The following KCTD19 variants were observed in gnomAD, a reference collection of about 807,000 sequenced individuals.
The protein encoded by KCTD19 is potassium channel tetramerization domain containing 19.
In KCTD19, 67 loss-of-function variants were observed where a neutral mutation model predicts 103.5. The ratio of observed to expected loss-of-function variants is 0.65; its 90% confidence interval spans 0.53 to 0.79. The LOEUF is 0.79. KCTD19 is among the 30% of genes least tolerant of loss of function. The pLI, the probability that KCTD19 is intolerant of heterozygous loss-of-function variation, is 0.00. For synonymous variants in KCTD19, 439 were observed against 452.2 expected (o/e 0.97, Z 0.37); for missense variants, 980 against 1,136.1 (o/e 0.86, Z 1.98).
In KCTD19 at chr16:67,303,468, G is replaced by T; in HGVS notation, c.452-131C>A. On this transcript the variant is annotated intron_variant, in intron 3 of 15. Coordinates refer to ENST00000304372, the MANE Select transcript of KCTD19 (RefSeq NM_001100915.3). This position sits in a 1 kb window ranked among gnomAD's most constrained non-coding sequence, Gnocchi z 4.3. ...CCCCAGGATATGGTCCTTGCCACTTGCCAGACACATCTTCCTTCTTTATCT... is the reference window on the plus strand; with the variant it reads ...CCCCAGGATATGGTCCTTGCCACTTTCCAGACACATCTTCCTTCTTTATCT... The T allele has an allele frequency of 1.6e-6, 1 of 619,702 alleles. No homozygotes were observed. Among genetic ancestry groups the T allele is most frequent in the South Asian group, 2.3e-5 (1 of 43,912 alleles). The allele number at this position is 619,702 out of a possible 1,614,324, so 38.4% of individuals were successfully genotyped here.
chr16:67,304,640 A>G (rs545312784), intron 2 of KCTD19, 69 bp from the exon 3 acceptor site: 10 of 1,389,500 alleles, frequency 7.2e-6, no homozygotes, highest in Non-Finnish European at 1.0e-5. Context: ...TCTAGTGTGA[A>G]GATCAGGAAA....
At chr16:67,294,908 C>T in intron 10 of KCTD19, 65 bp downstream of exon 10, 5 of 1,302,976 alleles carry the variant, frequency 3.8e-6, no homozygotes, top group East Asian at 2.3e-5. Context: ...GGACTTAGGA[C>T]AGGATTTCAA....
chr16:67,307,543 T>C (rs1382368530), intron 2 of KCTD19, among the ~76,000 whole-genome samples: 2 of 152,150 alleles, frequency 1.3e-5, no homozygotes, highest in Non-Finnish European at 2.9e-5. Flanking sequence ...CTCAAACTCC[T>C]GGACTCAAGT....
At chr16:67,310,884 A>C (rs2036942084) in intron 2 of KCTD19, among the ~76,000 whole-genome samples, 1 of 152,214 alleles carries the variant, frequency 6.6e-6, no homozygotes, top group Non-Finnish European at 1.5e-5. Flanking sequence ...GCACTGCTTT[A>C]AGGCTCAAGG....
At chr16:67,297,461 TC>T in intron 7 of KCTD19, 41 bp downstream of exon 7, 1 of 1,591,962 alleles carries the variant, frequency 6.3e-7, no homozygotes, top group Non-Finnish European at 8.6e-7. Flanking sequence ...TCCCAGATAC[TC>T]CCCTGATGCT....
Position 67,303,396 on chromosome 16 carries a change from G to T in KCTD19, c.452-59C>A. On this transcript the variant is annotated intron_variant, in intron 3 of 15. Transcript: ENST00000304372. This position sits in a 1 kb window ranked among gnomAD's most constrained non-coding sequence, Gnocchi z 4.3. ...CTCAGAAGCCAGGGATCTGATTCCAGCAGGGCTTTCACTGACCCAGGGGCC... is the reference window on the plus strand; with the variant it reads ...CTCAGAAGCCAGGGATCTGATTCCATCAGGGCTTTCACTGACCCAGGGGCC... 6.7e-7 allele frequency: 1 copy of T among 1,481,872 alleles called. No individual in the cohort carries two copies. 91.8% of individuals were successfully genotyped at this position (1,481,872 alleles called of 1,614,324 possible).
At chr16:67,305,636 ATCAGCACCCCC>A in intron 2 of KCTD19, 1 of 455,278 alleles carries the variant, frequency 2.2e-6, no homozygotes, top group Non-Finnish European at 4.4e-6. Context: ...TTATCATAAC[ATCAGCACCCCC>A]TCCCTTTTTT....
intron 8 of KCTD19, chr16:67,295,809 A>C: frequency 2.9e-6 from 1 of 343,916 alleles, no homozygotes; most frequent in Non-Finnish European, 5.6e-6. Context: ...CAGTGGCGCG[A>C]TCTCAGCTCA....
chr16:67,304,254 A>C (rs915668561), intron 3 of KCTD19, among the ~76,000 whole-genome samples, 167 bp downstream of exon 3: 7 of 152,198 alleles, frequency 4.6e-5, no homozygotes, highest in African/African-American at 9.6e-5. Flanking sequence ...CCAGCAGGCA[A>C]GCAGCCATGG....
At chr16:67,324,844 C>T (rs2037112553) in intron 1 of KCTD19, among the ~76,000 whole-genome samples, 1 of 152,154 alleles carries the variant, frequency 6.6e-6, no homozygotes, top group South Asian at 2.1e-4. Flanking sequence ...AGAAATATGA[C>T]AAATTGTGAA....
chr16:67,313,858 CTTT>C (rs753299102), intron 2 of KCTD19, among the ~76,000 whole-genome samples: 2 of 141,902 alleles, frequency 1.4e-5, no homozygotes, highest in Admixed American at 7.1e-5. Context: ...TGCACCCGGC[CTTT>C]TTTTTTTTTT....
intron 6 of KCTD19, among the ~76,000 whole-genome samples, chr16:67,297,996 T>C (rs1185116866): frequency 1.4e-5 from 2 of 143,394 alleles, no homozygotes; most frequent in Non-Finnish European, 3.0e-5. Flanking sequence ...TTCTTTTTTT[T>C]TTTTTTTCTT....
intron 7 of KCTD19, 97 bp from the exon 8 acceptor site, chr16:67,296,356 A>G (rs923466764): frequency 6.5e-6 from 5 of 772,072 alleles, no homozygotes; most frequent in East Asian, 2.5e-5. Context: ...TTAAGTCTCA[A>G]TATCTTTCCT....
chr16:67,292,522 T>C lies in KCTD19; in HGVS notation c.2219-685A>G, dbSNP rs571898576. On this transcript the variant is annotated intron_variant, in intron 12 of 15. Transcript: ENST00000304372. ...GAGAACTTTTGGGGCCAGCCTTTGA[T>C]GCATGTCCAAAGAGTGGACATTTGT... Among the ~76,000 whole-genome samples the C allele has an allele frequency of 1.1e-4, 17 of 152,348 alleles. No individual in the cohort carries two copies. The South Asian group carries it at 3.1e-3, about 28-fold the overall frequency.
chr16:67,294,145 G>A lies in KCTD19; in HGVS notation c.1617C>T (p.Phe539=), dbSNP rs544017674. 1.1e-5 allele frequency: 18 copies of A among 1,608,094 alleles called. No homozygotes were observed. Among genetic ancestry groups the A allele is most frequent in the African/African-American group, 4.0e-5 (3 of 74,776 alleles). ...ATGGAGTCCTGTCACTGCAGTCTTC[G>A]AAGTCCACAGGCATGTAGGCTGTGG... is the stretch of plus-strand genomic sequence containing the variant. ...KETTAYMPVD[F]EDCSDRTPWN... is the part of the protein sequence containing the mutation. The change falls in exon 12 of 16, where the codon TTC becomes TTT. Residue 539 remains phenylalanine (F), a synonymous_variant. Coordinates refer to ENST00000304372, the MANE Select transcript of KCTD19 (RefSeq NM_001100915.3).
chr16:67,296,160 T>C lies in KCTD19; in HGVS notation c.1247A>G (p.Lys416Arg). Reference protein sequence around the residue: ...WYATTLQTLLKYPELLSNPQR... With the variant: ...WYATTLQTLLRYPELLSNPQR... ...CAGGGCAGCCGAGGCCGTCAGTACC[T>C]TCAGCAGTGTCTGCAGGGTGGTTGC... Residue 416 changes from lysine (K) to arginine (R), a missense_variant and splice_region_variant, in exon 8 of 16, where the codon AAG becomes AGG. Physicochemically the swap from Lys to Arg is conservative, Grantham distance 26 (BLOSUM62 2). Coordinates refer to ENST00000304372, the MANE Select transcript of KCTD19 (RefSeq NM_001100915.3). The C allele has an allele frequency of 6.3e-7, 1 of 1,597,386 alleles. No homozygotes were observed. The highest frequency in any genetic ancestry group is 8.6e-7 in the Non-Finnish European group (1 of 1,164,684).
chr16:67,292,031 G>A (rs1026615854), intron 12 of KCTD19, among the ~76,000 whole-genome samples, 194 bp from the exon 13 acceptor site: 2 of 152,016 alleles, frequency 1.3e-5, no homozygotes. Flanking sequence ...CTGCCACCAC[G>A]CCCGGCTAAT....
In KCTD19 at chr16:67,297,558, T is replaced by A; in HGVS notation, c.1092A>T (p.Lys364Asn). The change falls in exon 7 of 16, where the codon AAA becomes AAT. Residue 364 changes from lysine to asparagine, a missense_variant. Lys to Asn is a moderately conservative substitution (Grantham distance 94). Transcript: ENST00000304372. Reference protein sequence around the residue: ...DKRDITYEPIKVALKTHLEPR... With the variant: ...DKRDITYEPINVALKTHLEPR... ...GCTCCAGATGAGTCTTCAAAGCAAC[T>A]TTGATTGGCTCGTAGGTGATGTCCC... 6.2e-7 allele frequency: 1 copy of A among 1,614,160 alleles called. No individual in the cohort carries two copies. The highest frequency in any genetic ancestry group is 8.5e-7 in the Non-Finnish European group (1 of 1,180,022).
intron 1 of KCTD19, chr16:67,321,641 C>T (rs1293270161): frequency 6.6e-6 from 1 of 152,000 alleles, no homozygotes; most frequent in Admixed American, 6.6e-5. Flanking sequence ...TAAGAAGTCA[C>T]ATTTCCCACT....
Sources: gnomAD v4.1 joint callset for allele counts (sites outside exome capture counted in the v4.1 genomes callset) on GRCh38, gnomAD v4.1.1 for gene constraint, Gnocchi (gnomAD v3.1) non-coding constraint, MANE v1.5 for transcripts, NCBI Gene and HGNC (gene_info 2026-07-23, HGNC 2026-07-21) for gene names.